The following TANC2 variants were observed in gnomAD, a reference collection of about 807,000 sequenced individuals.
TANC2 encodes the protein tetratricopeptide repeat, ankyrin repeat and coiled-coil containing 2.
Under a neutral mutation model 210.5 loss-of-function variants are expected in TANC2, and 26 were observed. The ratio of observed to expected loss-of-function variants is 0.12; its 90% CI spans 0.09 to 0.17. The LOEUF (loss-of-function observed/expected upper bound fraction) is 0.17. TANC2 is among the 10% of genes least tolerant of loss of function. The pLI is 1.00. For missense variants in TANC2, 2,129 were observed against 2,608.9 expected, an observed-to-expected ratio of 0.82 and a Z score of 4.01; for synonymous variants, 931 against 967.1, an observed-to-expected ratio of 0.96 and a Z score of 0.69.
At chr17:63,064,672 G>A (rs186819798) in intron 2 of TANC2, among the ~76,000 whole-genome samples, 7 of 151,752 alleles carry the variant, frequency 4.6e-5, no homozygotes, top group Admixed American at 3.3e-4. Context: ...TTTTCAAATG[G>A]TTGGAATACA....
rs377656062 is a variant in TANC2, at chr17:63,180,767, G to A, written c.434-13224G>A. Among the ~76,000 whole-genome samples the A allele has an allele frequency of 5.3e-4, 81 of 152,258 alleles. 2 individuals are homozygous for A. In the South Asian group the frequency reaches 0.017, roughly 31 times the overall value. On this transcript the variant is annotated intron_variant, in intron 5 of 27. Transcript: ENST00000689528. ...AGGCCTGGCATGGTGGCTCACACCT[G>A]TAATCCCAGCATTTGGGAGGCTGAG...
chr17:63,018,098 A>T (rs2034186013), intron 2 of TANC2, among the ~76,000 whole-genome samples: 1 of 152,222 alleles, frequency 6.6e-6, no homozygotes, highest in Non-Finnish European at 1.5e-5. Flanking sequence ...ACTGCACTCC[A>T]GCCTGGGTTA....
Position 63,098,461 on chromosome 17 carries a change from CACACACACACACACACACAT to C in TANC2, c.140-709_140-690del, listed in dbSNP as rs1436712026. Reference sequence around the variant, plus strand: ...ACACACACACACACACACACACACACACACACACACACACACACATACACTCTCTCTCTCTCTCTCTCTCT... The same window carrying C: ...ACACACACACACACACACACACACACACACTCTCTCTCTCTCTCTCTCTCT... On this transcript the variant is annotated intron_variant, in intron 3 of 27. Coordinates refer to ENST00000689528, the Ensembl canonical transcript of TANC2. Among the ~76,000 whole-genome samples, 138 of 56,426 alleles carry C rather than the reference CACACACACACACACACACAT, an allele frequency of 2.4e-3. 1 individual carries two copies. The highest frequency in any genetic ancestry group is 5.5e-3 in the African/African-American group (79 of 14,420). 37.0% of individuals were successfully genotyped at this position (56,426 alleles called of 152,430 possible). A position where few individuals can be genotyped will look rare whatever the true frequency, so the allele number is the denominator to read the frequency against.
intron 2 of TANC2, among the ~76,000 whole-genome samples, chr17:63,051,091 C>T (rs1598317057): frequency 6.6e-6 from 1 of 152,136 alleles, no homozygotes; most frequent in East Asian, 1.9e-4. Context: ...CAGATCATGC[C>T]ACTCCTTTGC....
Position 63,420,705 on chromosome 17 carries a change from G to A in TANC2, c.4975G>A (p.Gly1659Ser), listed in dbSNP as rs545154452. 1.2e-6 allele frequency: 2 copies of A among 1,613,900 alleles called. No homozygotes were observed. The highest frequency in any genetic ancestry group is 1.7e-5 in the Admixed American group (1 of 60,026). Residue 1659 changes from glycine to serine, a missense_variant, in exon 28 of 28, where the codon GGC becomes AGC. Physicochemically the swap from Gly to Ser is moderately conservative, Grantham distance 56 (BLOSUM62 0). Around this residue, in one of 5 missense-constraint regions of TANC2, gnomAD observed 584 missense variants for 627.3 expected, o/e 0.93. Coordinates refer to ENST00000689528, the Ensembl canonical transcript of TANC2. This position sits in a 1 kb window ranked among gnomAD's most constrained non-coding sequence, Gnocchi z 4.2. ...GGAAACAAGCGTCAGTCAGCTTCCT[G>A]GCAGACCCAAATCTCCATTATCCAA...
chr17:63,327,022 C>G (rs975304196), intron 11 of TANC2, among the ~76,000 whole-genome samples: 2 of 152,044 alleles, frequency 1.3e-5, no homozygotes, highest in Admixed American at 6.6e-5. Flanking sequence ...GGAACTCAGA[C>G]AATTCAATGG....
chr17:63,188,300 TA>T (rs71357050), intron 5 of TANC2, among the ~76,000 whole-genome samples: 56,714 of 143,850 alleles, frequency 0.39, 11,055 homozygotes, highest in Non-Finnish European at 0.45. Context: ...CCCCATCTCT[TA>T]AAAAAAAAAA....
At chr17:63,055,990 A>T (rs7217864) in intron 2 of TANC2, among the ~76,000 whole-genome samples, 312 of 9,870 alleles carry the variant, frequency 0.032, 6 homozygotes, top group African/African-American at 0.06. Context: ...AAAAAAAAAA[A>T]ATATATATAT....
chr17:63,319,357 T>G (rs1160665747), intron 11 of TANC2, among the ~76,000 whole-genome samples: 3 of 152,160 alleles, frequency 2.0e-5, no homozygotes, highest in African/African-American at 4.8e-5. Flanking sequence ...TTGGTTGGTT[T>G]GTTTTGAGAC....
chr17:63,227,738 G>A (rs568527809), intron 7 of TANC2, among the ~76,000 whole-genome samples: 3 of 151,934 alleles, frequency 2.0e-5, no homozygotes, highest in South Asian at 4.2e-4. Flanking sequence ...TTATTGTTTT[G>A]GGTTTTACAT....
At chr17:63,078,939 C>CT (rs1336834582) in intron 3 of TANC2, among the ~76,000 whole-genome samples, 3 of 152,172 alleles carry the variant, frequency 2.0e-5, no homozygotes, top group African/African-American at 7.2e-5. Flanking sequence ...CTTCTATCTT[C>CT]TTGCCGATTT....
At chr17:63,144,352 TTG>T (rs2039394126) in intron 4 of TANC2, among the ~76,000 whole-genome samples, 1 of 152,158 alleles carries the variant, frequency 6.6e-6, no homozygotes, top group Admixed American at 6.5e-5. Context: ...TAATTGATAT[TTG>T]TATTGGTAAA....
intron 18 of TANC2, 142 bp downstream of exon 18, chr17:63,396,070 A>T: frequency 1.3e-6 from 1 of 767,934 alleles, no homozygotes; most frequent in Non-Finnish European, 2.0e-6. Flanking sequence ...TAAGGAGATT[A>T]AACTCCATGA....
chr17:63,376,050 G>A (rs2047414334), intron 14 of TANC2, among the ~76,000 whole-genome samples: 3 of 152,082 alleles, frequency 2.0e-5, no homozygotes, highest in South Asian at 4.1e-4. Context: ...TCACACCACT[G>A]CACTCCAGCC....
chr17:63,241,238 C>G (rs2042765301), intron 8 of TANC2, among the ~76,000 whole-genome samples: 1 of 152,146 alleles, frequency 6.6e-6, no homozygotes, highest in African/African-American at 2.4e-5. Context: ...TTACTAGTAT[C>G]TCACAATTTC....
chr17:63,306,881 G>A (rs942345118), intron 9 of TANC2, among the ~76,000 whole-genome samples: 2 of 152,140 alleles, frequency 1.3e-5, no homozygotes, highest in African/African-American at 4.8e-5. Flanking sequence ...TTGAGCCCAG[G>A]AATTTGAGGC....
Position 63,389,306 on chromosome 17 carries a change from A to G in TANC2, c.2815-2A>G, listed in dbSNP as rs1191625109. 6.2e-7 allele frequency: 1 copy of G among 1,608,134 alleles called. No homozygotes were observed. On this transcript the variant is annotated splice_acceptor_variant, in intron 16 of 27. Transcript: ENST00000689528. LOFTEE classifies it high-confidence loss of function. The stretch of plus-strand genomic sequence containing the variant: ...TTATTAGTTCTGTTTGTTTATTTCT[A>G]GGTCAGCCGACTGCTGATTTTGGGA...
At chr17:62,979,952 T>G (rs1264624600) in intron 1 of TANC2, among the ~76,000 whole-genome samples, 2 of 152,284 alleles carry the variant, frequency 1.3e-5, no homozygotes, top group East Asian at 3.9e-4. Flanking sequence ...GCAGCTTGCT[T>G]TCTGAGATTT....
chr17:63,041,492 C>T (rs1160843312), intron 2 of TANC2, among the ~76,000 whole-genome samples: 3 of 152,032 alleles, frequency 2.0e-5, no homozygotes, highest in Non-Finnish European at 4.4e-5. Flanking sequence ...AAAAATGCCT[C>T]GGAGATGGGA....
Sources: gnomAD v4.1 joint callset for allele counts (sites outside exome capture counted in the v4.1 genomes callset) on GRCh38, gnomAD v4.1.1 for gene constraint, gnomAD v4.1.1 regional missense constraint, Gnocchi (gnomAD v3.1) non-coding constraint, MANE v1.5 for transcripts, NCBI Gene and HGNC (gene_info 2026-07-23, HGNC 2026-07-21) for gene names.